Variants in STRADB observed in about 807,000 individuals in gnomAD.
STRADB encodes the protein STE20-related kinase adapter protein beta.
Under a neutral mutation model 52.1 loss-of-function variants are expected in STRADB, and 34 were observed. That is an observed-to-expected ratio of 0.65 (90% CI 0.50 to 0.87). The LOEUF (loss-of-function observed/expected upper bound fraction) is 0.87. Ranked by LOEUF, STRADB falls within the 40% of genes least tolerant of loss-of-function variation. The probability of loss-of-function intolerance (pLI) is 0.00; values close to 1 mark genes in which losing one functional copy is unlikely to be tolerated. For synonymous variants in STRADB, 133 were observed against 174.5 expected (o/e 0.76, Z 1.87); for missense variants, 340 against 483.9 (o/e 0.70, Z 2.79).
rs958219127 is a variant in STRADB, at chr2:201,478,472, A to G, written c.941A>G (p.Glu314Gly). 2 of 1,613,956 alleles carry G rather than the reference A, an allele frequency of 1.2e-6. No individual in the cohort carries two copies. The highest frequency in any genetic ancestry group is 2.7e-5 in the African/African-American group (2 of 74,990). ...TCAGGTGTAGACTCTGGGATTGGAGAAAGTGTGCTTGTCTCCAGTGGAACT... is the reference window on the plus strand; with the variant it reads ...TCAGGTGTAGACTCTGGGATTGGAGGAAGTGTGCTTGTCTCCAGTGGAACT... ...SQSGVDSGIG[E>G]SVLVSSGTHT... Residue 314 changes from glutamate (E) to glycine (G), a missense_variant, in exon 10 of 12, where the codon GAA (glutamate) becomes GGA (glycine). Coordinates refer to ENST00000194530, the MANE Select transcript of STRADB (RefSeq NM_018571.6).
intron 7 of STRADB, 53 bp downstream of exon 7, chr2:201,475,795 T>C (rs1952462475): frequency 1.9e-6 from 3 of 1,539,584 alleles, no homozygotes; most frequent in Non-Finnish European, 2.6e-6. Context: ...GAAGAACTCT[T>C]TGAAGGAGGT....
intron 1 of STRADB, among the ~76,000 whole-genome samples, chr2:201,454,381 G>C (rs1952096743): frequency 6.6e-6 from 1 of 152,048 alleles, no homozygotes; most frequent in Non-Finnish European, 1.5e-5. Context: ...ATCAAAAGTG[G>C]GCCAAAAATT....
chr2:201,454,821 G>C lies in STRADB; in HGVS notation c.-20G>C, dbSNP rs373753081. The stretch of plus-strand genomic sequence containing the variant: ...AATAGATGGATTTTTGTCACTTTCT[G>C]TGTGAACTAAAGTGATTCAATGTCT... On this transcript the variant is annotated 5_prime_UTR_variant, in exon 2 of 12. Coordinates refer to ENST00000194530, the MANE Select transcript of STRADB (RefSeq NM_018571.6). 4 of 1,603,232 alleles carry C rather than the reference G, an allele frequency of 2.5e-6. No individual in the cohort carries two copies. Among genetic ancestry groups the C allele is most frequent in the South Asian group, 1.1e-5 (1 of 89,142 alleles).
chr2:201,474,861 A>G, intron 6 of STRADB, 106 bp downstream of exon 6: 1 of 866,300 alleles, frequency 1.2e-6, no homozygotes, highest in Non-Finnish European at 1.7e-6. Flanking sequence ...TTATAAGTCT[A>G]ATGACTGATT....
chr2:201,463,957 A>G (rs1320661932), intron 3 of STRADB, among the ~76,000 whole-genome samples: 1 of 152,142 alleles, frequency 6.6e-6, no homozygotes, highest in Non-Finnish European at 1.5e-5. Context: ...TGTTAAATTT[A>G]TCTGATGGGA....
At chr2:201,465,289 C>T (rs889949673) in intron 3 of STRADB, among the ~76,000 whole-genome samples, 3 of 152,212 alleles carry the variant, frequency 2.0e-5, no homozygotes, top group Admixed American at 6.5e-5. Context: ...TTATTCAAGG[C>T]GCAAGGTCTT....
intron 11 of STRADB, 59 bp downstream of exon 11, chr2:201,479,590 T>A: frequency 6.6e-7 from 1 of 1,513,798 alleles, no homozygotes; most frequent in Non-Finnish European, 8.9e-7. Flanking sequence ...AAAGTCACTT[T>A]ATTTTGTTGG....
chr2:201,479,605 A>T, intron 11 of STRADB, 74 bp downstream of exon 11: 1 of 1,457,214 alleles, frequency 6.9e-7, no homozygotes, highest in Non-Finnish European at 9.3e-7. Context: ...TGTTGGCTTG[A>T]TGAGATATTT....
chr2:201,454,706 T>G (rs1952101679), intron 1 of STRADB, 40 bp from the exon 2 acceptor site: 1 of 831,380 alleles, frequency 1.2e-6, no homozygotes, highest in South Asian at 2.3e-5. Flanking sequence ...TTAAGGAACT[T>G]TTATGTGAAT....
rs779920644 is a variant in STRADB, at chr2:201,477,629, G to A, written c.559G>A (p.Ala187Thr). Residue 187 changes from alanine (A) to threonine (T), a missense_variant, in exon 8 of 12, where the codon GCC becomes ACC. Coordinates refer to ENST00000194530, the MANE Select transcript of STRADB (RefSeq NM_018571.6). ...TTCTTTTTGTTCTAGGAGTATTAAA[G>A]CCAGCCATATCCTCATTTCTGGTGA... ...QNGCIHRSIK[A>T]SHILISGDGL... 1.2e-6 allele frequency: 2 copies of A among 1,605,634 alleles called. No individual in the cohort carries two copies. Among genetic ancestry groups the A allele is most frequent in the East Asian group, 2.2e-5 (1 of 44,606 alleles).
chr2:201,479,649 C>A, intron 11 of STRADB, 118 bp downstream of exon 11: 1 of 1,019,402 alleles, frequency 9.8e-7, no homozygotes, highest in Non-Finnish European at 1.4e-6. Flanking sequence ...AACTTTGTTA[C>A]AAAATAAAGT....
chr2:201,479,662 A>T, intron 11 of STRADB, 131 bp downstream of exon 11: 1 of 905,918 alleles, frequency 1.1e-6, no homozygotes, highest in Non-Finnish European at 1.6e-6. Flanking sequence ...AATAAAGTTA[A>T]AAACAAGAAA....
chr2:201,471,051 A>G (rs1384411398), intron 4 of STRADB, among the ~76,000 whole-genome samples: 4 of 151,854 alleles, frequency 2.6e-5, no homozygotes, highest in African/African-American at 7.3e-5. Context: ...TTTGTCCTTC[A>G]CTCCGTACTC....
Position 201,454,755 on chromosome 2 carries a change from T to G in STRADB, c.-86T>G, listed in dbSNP as rs759991468. The G allele has an allele frequency of 7.5e-7, 1 of 1,329,186 alleles. No individual in the cohort carries two copies. Among genetic ancestry groups the G allele is most frequent in the Non-Finnish European group, 1.0e-6 (1 of 953,006 alleles). The allele number at this position is 1,329,186 out of a possible 1,614,324, so 82.3% of individuals were successfully genotyped here. A position where few individuals can be genotyped will look rare whatever the true frequency, so the allele number is the denominator to read the frequency against. ...CTTTTGTTTTTTATAGTAGGATATA[T>G]CTGCATCTTGAAAGGAAGATAAAAC... On this transcript the variant is annotated 5_prime_UTR_variant, in exon 2 of 12. Coordinates refer to ENST00000194530, the MANE Select transcript of STRADB (RefSeq NM_018571.6).
chr2:201,479,567 T>TA, intron 11 of STRADB, 36 bp downstream of exon 11: 1 of 1,571,874 alleles, frequency 6.4e-7, no homozygotes, highest in Non-Finnish European at 8.6e-7. Context: ...TCGATGTTTT[T>TA]AATTACTATT....
chr2:201,458,422 C>T (rs1952160455), intron 2 of STRADB, among the ~76,000 whole-genome samples: 1 of 152,154 alleles, frequency 6.6e-6, no homozygotes, highest in Admixed American at 6.5e-5. Context: ...ATGAATTCAG[C>T]AGAATAATCT....
intron 3 of STRADB, among the ~76,000 whole-genome samples, chr2:201,462,405 G>A (rs1952229956): frequency 1.3e-5 from 2 of 152,142 alleles, no homozygotes; most frequent in South Asian, 4.1e-4. Flanking sequence ...GACATTCAGT[G>A]TTATGATTGA....
chr2:201,462,210 T>C (rs1952226508), intron 3 of STRADB, among the ~76,000 whole-genome samples: 2 of 152,342 alleles, frequency 1.3e-5, no homozygotes, highest in South Asian at 4.1e-4. Context: ...GCCTGATATA[T>C]GTGTATATCG....
chr2:201,471,134 A>C (rs1314308146), intron 4 of STRADB, among the ~76,000 whole-genome samples: 1 of 152,230 alleles, frequency 6.6e-6, no homozygotes, highest in Non-Finnish European at 1.5e-5. Flanking sequence ...CCTTTTTGAA[A>C]TAACACAAAG....
Sources: gnomAD v4.1 joint callset for allele counts (sites outside exome capture counted in the v4.1 genomes callset) on GRCh38, gnomAD v4.1.1 for gene constraint, MANE v1.5 for transcripts, NCBI Gene and HGNC (gene_info 2026-07-23, HGNC 2026-07-21) for gene names.